RBFOX3: variants seen among roughly 807,000 people sequenced by gnomAD.
RBFOX3 encodes RNA binding protein fox-1 homolog 3.
In RBFOX3, 17 loss-of-function variants were observed where a neutral mutation model predicts 48.7. The observed-to-expected ratio is 0.35, with a 90% CI of 0.24 to 0.52. RBFOX3 has a LOEUF of 0.52. Ranked by LOEUF, RBFOX3 falls within the 20% of genes least tolerant of loss-of-function variation. RBFOX3 has a pLI of 0.94. For missense variants in RBFOX3, 382 were observed against 497.5 expected (o/e 0.77, Z 2.21); for synonymous variants, 212 against 209.5 (o/e 1.01, Z -0.10).
chr17:79,611,187 C>CCGCCCTCCT (rs2093965777), upstream of RBFOX3, among the ~76,000 whole-genome samples: 3 of 104,832 alleles, frequency 2.9e-5, no homozygotes, highest in Non-Finnish European at 2.0e-5. Flanking sequence ...CCCTCCTTCT[C>CCGCCCTCCT]TCTCTCTCTC....
At chr17:79,367,135 C>T (rs912786249) in intron 2 of RBFOX3, among the ~76,000 whole-genome samples, 1 of 152,034 alleles carries the variant, frequency 6.6e-6, no homozygotes, top group South Asian at 2.1e-4. Flanking sequence ...TGCATGTCAC[C>T]TTCGCAGAGT....
intron 4 of RBFOX3, among the ~76,000 whole-genome samples, chr17:79,155,593 AG>A (rs1365121171): frequency 6.6e-6 from 1 of 152,130 alleles, no homozygotes; most frequent in Non-Finnish European, 1.5e-5. Flanking sequence ...AGCTGGGGGC[AG>A]GGGGGTCTCA....
At chr17:79,619,386 G>A in the RBFOX3 span, among the ~76,000 whole-genome samples, 1 of 152,180 alleles carries the variant, frequency 6.6e-6, no homozygotes. Context: ...GCTCCAGGGG[G>A]ACTCCCTCCC....
chr17:79,439,065 C>T lies in RBFOX3; in HGVS notation c.-175+43389G>A, dbSNP rs80193918. ...TTCTCCCGGCAGAATCCCAGGATGA[C>T]GAGGTAGAAAGTCTGCCCTGATTAA... On this transcript the variant is annotated intron_variant, in intron 2 of 14. Coordinates refer to ENST00000693108, the MANE Select transcript of RBFOX3 (RefSeq NM_001350451.2). 7.7e-3 allele frequency among the ~76,000 whole-genome samples: 1,176 copies of T among 152,300 alleles called. 21 individuals are homozygous for T. Among genetic ancestry groups the T allele is most frequent in the African/African-American group, 0.027 (1,118 of 41,568 alleles).
At chr17:79,539,746 C>T (rs1016550934) in intron 1 of RBFOX3, among the ~76,000 whole-genome samples, 1 of 152,136 alleles carries the variant, frequency 6.6e-6, no homozygotes, top group Admixed American at 6.5e-5. Context: ...ATAGCTCATG[C>T]AACTGAATTT....
chr17:79,452,506 A>G (rs1199626702), intron 2 of RBFOX3, among the ~76,000 whole-genome samples: 2 of 152,190 alleles, frequency 1.3e-5, no homozygotes, highest in Non-Finnish European at 2.9e-5. Flanking sequence ...TTTCTTCTTC[A>G]GGGAGACCGT....
intron 2 of RBFOX3, among the ~76,000 whole-genome samples, chr17:79,459,317 G>A (rs1324276874): frequency 6.6e-6 from 1 of 152,184 alleles, no homozygotes; most frequent in Non-Finnish European, 1.5e-5. Flanking sequence ...GGGAGGCGCT[G>A]GGGAGGCTGG....
chr17:79,399,799 C>G (rs746659153), intron 2 of RBFOX3, among the ~76,000 whole-genome samples: 2 of 152,222 alleles, frequency 1.3e-5, no homozygotes, highest in African/African-American at 2.4e-5. Context: ...GACCCTCGGG[C>G]GCTCCCGTCT....
chr17:79,647,187 C>A, the RBFOX3 span, among the ~76,000 whole-genome samples: 2 of 152,212 alleles, frequency 1.3e-5, no homozygotes, highest in South Asian at 4.2e-4. Flanking sequence ...CAACAGGGCA[C>A]CTTTCATAAA....
chr17:79,434,186 G>A (rs1222467392), intron 2 of RBFOX3, among the ~76,000 whole-genome samples: 1 of 152,206 alleles, frequency 6.6e-6, no homozygotes, highest in Non-Finnish European at 1.5e-5. Context: ...GGCCTTGTTT[G>A]ACCTCAGCTG....
At chr17:79,585,649 T>A (rs2093225816) in intron 1 of RBFOX3, among the ~76,000 whole-genome samples, 1 of 152,172 alleles carries the variant, frequency 6.6e-6, no homozygotes, top group Non-Finnish European at 1.5e-5. Context: ...CTGCATGAGC[T>A]GGCACTTGGG....
chr17:79,513,751 G>A (rs1450832354), intron 1 of RBFOX3, among the ~76,000 whole-genome samples: 1 of 152,214 alleles, frequency 6.6e-6, no homozygotes, highest in Non-Finnish European at 1.5e-5. Flanking sequence ...CAGTGAGGCG[G>A]TACAGGCGCT....
intron 4 of RBFOX3, chr17:79,134,987 C>G (rs1296512939): frequency 1.3e-5 from 2 of 152,300 alleles, no homozygotes; most frequent in Non-Finnish European, 2.9e-5. Context: ...CTCTGAGTGC[C>G]GTCCTCTGAG....
intron 1 of RBFOX3, among the ~76,000 whole-genome samples, chr17:79,499,092 C>A (rs1272848007): frequency 6.6e-6 from 1 of 151,884 alleles, no homozygotes; most frequent in African/African-American, 2.4e-5. Flanking sequence ...ACTCATCCAT[C>A]TACTCACTCA....
At chr17:79,257,254 G>A (rs1567929062) in intron 3 of RBFOX3, among the ~76,000 whole-genome samples, 2 of 152,226 alleles carry the variant, frequency 1.3e-5, no homozygotes, top group Admixed American at 6.5e-5. Context: ...CAAGCCCCGA[G>A]CCCCGGGAGG....
intron 1 of RBFOX3, among the ~76,000 whole-genome samples, chr17:79,545,228 T>C (rs782293142): frequency 4.6e-5 from 7 of 152,198 alleles, no homozygotes; most frequent in East Asian, 1.9e-4. Flanking sequence ...AGAATCCCGC[T>C]CTGGGAAGGG....
intron 2 of RBFOX3, among the ~76,000 whole-genome samples, chr17:79,314,463 G>A (rs1470482271): frequency 1.3e-5 from 2 of 152,172 alleles, no homozygotes; most frequent in East Asian, 3.9e-4. Context: ...CGCAGGACCT[G>A]GACAAGATCG....
At chr17:79,631,894 G>A in the RBFOX3 span, among the ~76,000 whole-genome samples, 10 of 152,248 alleles carry the variant, frequency 6.6e-5, no homozygotes, top group South Asian at 6.2e-4. Context: ...GCACCCTGAC[G>A]GAGGGTACCC....
chr17:79,591,486 G>A (rs2093414801), intron 1 of RBFOX3, among the ~76,000 whole-genome samples: 2 of 152,302 alleles, frequency 1.3e-5, no homozygotes, highest in African/African-American at 4.8e-5. Flanking sequence ...GGCACCTACT[G>A]TGTTCCAGGC....
Sources: gnomAD v4.1 joint callset for allele counts (sites outside exome capture counted in the v4.1 genomes callset) on GRCh38, gnomAD v4.1.1 for gene constraint, MANE v1.5 for transcripts, NCBI Gene and HGNC (gene_info 2026-07-23, HGNC 2026-07-21) for gene names.